Variants in VPS13B observed in about 807,000 individuals in gnomAD.
The protein encoded by VPS13B is intermembrane lipid transfer protein VPS13B.
In VPS13B, 285 loss-of-function variants were observed where a neutral mutation model predicts 426.4. That is an observed-to-expected ratio of 0.67 (90% CI 0.61 to 0.74). VPS13B has a LOEUF of 0.74. Ranked by LOEUF, VPS13B falls within the 30% of genes least tolerant of loss-of-function variation. VPS13B has a pLI of 0.00. For missense variants in VPS13B, 4,537 were observed against 4,782.6 expected (o/e 0.95, Z 1.51); for synonymous variants, 1,676 against 1,676.4 (o/e 1.00, Z 0.01).
rs35625719 is a variant in VPS13B, at chr8:99,642,312, C to G, written c.5722C>G (p.Leu1908Val). The change falls in exon 34 of 62, where the codon CTT becomes GTT. Residue 1908 changes from leucine (L) to valine (V), a missense_variant. Around this residue, in one of 2 missense-constraint regions of VPS13B, gnomAD observed 4,311 missense variants for 4,474.3 expected, o/e 0.96. Transcript: ENST00000357162. ...ASTRSSARQA[L>V]GITIVRQPGR... ...CACAAGGTCATCTGCTAGACAAGCA[C>G]TTGGTATAACTATTGTTCGGCAGCC... 1 of 1,614,126 alleles carries G rather than the reference C, an allele frequency of 6.2e-7. No individual in the cohort carries two copies. The highest frequency in any genetic ancestry group is 1.6e-4 in the Middle Eastern group (1 of 6,062).
At chr8:99,717,517 T>C in intron 37 of VPS13B, 144 bp downstream of exon 37, 1 of 770,680 alleles carries the variant, frequency 1.3e-6, no homozygotes, top group Non-Finnish European at 2.2e-6. Context: ...TCAACAACTT[T>C]ATTGAGATAT....
intron 20 of VPS13B, among the ~76,000 whole-genome samples, chr8:99,389,004 C>T (rs1399065073): frequency 6.6e-6 from 1 of 152,088 alleles, no homozygotes; most frequent in Non-Finnish European, 1.5e-5. Flanking sequence ...CAAACGTTAG[C>T]TGGGCGCAGT....
chr8:99,827,488 C>T, intron 51 of VPS13B, among the ~76,000 whole-genome samples: 1 of 142,196 alleles, frequency 7.0e-6, no homozygotes. Context: ...GGCCAGCAGT[C>T]TTATCTATTT....
chr8:99,218,517 T>C (rs180759369), intron 17 of VPS13B, among the ~76,000 whole-genome samples: 21 of 152,310 alleles, frequency 1.4e-4, no homozygotes, highest in African/African-American at 4.8e-4. Flanking sequence ...GTTTTGGTGT[T>C]TGATAATATT....
At chr8:99,353,310 G>A (rs1588283824) in intron 19 of VPS13B, among the ~76,000 whole-genome samples, 1 of 152,152 alleles carries the variant, frequency 6.6e-6, no homozygotes, top group African/African-American at 2.4e-5. Flanking sequence ...AGTCAACCAT[G>A]TATCAGTCCT....
intron 21 of VPS13B, among the ~76,000 whole-genome samples, chr8:99,395,016 T>G (rs1055956509): frequency 2.6e-5 from 4 of 152,172 alleles, no homozygotes; most frequent in Non-Finnish European, 5.9e-5. Flanking sequence ...TGGGGAAAAT[T>G]CCCCAGTTTC....
At chr8:99,159,228 T>C (rs557595815) in intron 15 of VPS13B, among the ~76,000 whole-genome samples, 26 of 152,326 alleles carry the variant, frequency 1.7e-4, no homozygotes, top group African/African-American at 6.3e-4. Context: ...AAAACTTGAA[T>C]GGAGGAGGAG....
chr8:99,096,916 A>G (rs1846456808), intron 4 of VPS13B, among the ~76,000 whole-genome samples: 1 of 152,188 alleles, frequency 6.6e-6, no homozygotes, highest in Non-Finnish European at 1.5e-5. Flanking sequence ...TACCAAGCCC[A>G]AGGTACTTTT....
At chr8:99,190,469 ATTGT>A (rs1813499381) in intron 16 of VPS13B, among the ~76,000 whole-genome samples, 1 of 151,284 alleles carries the variant, frequency 6.6e-6, no homozygotes, top group African/African-American at 2.4e-5. Flanking sequence ...TGTCCCATCT[ATTGT>A]TTGTTTTCTT....
At chr8:99,793,933 A>G (rs1812683328) in intron 43 of VPS13B, among the ~76,000 whole-genome samples, 2 of 152,216 alleles carry the variant, frequency 1.3e-5, no homozygotes, top group South Asian at 4.1e-4. Flanking sequence ...TAAATATTCC[A>G]TGTAAAACAT....
At chr8:99,599,556 A>T (rs1459530728) in intron 33 of VPS13B, among the ~76,000 whole-genome samples, 2 of 151,984 alleles carry the variant, frequency 1.3e-5, no homozygotes, top group Non-Finnish European at 2.9e-5. Flanking sequence ...TTCCTATCTG[A>T]GTTTGTACTT....
At chr8:99,165,827 T>C (rs1410694254) in intron 15 of VPS13B, among the ~76,000 whole-genome samples, 1 of 152,176 alleles carries the variant, frequency 6.6e-6, no homozygotes, top group Non-Finnish European at 1.5e-5. Context: ...AGTATATATT[T>C]TAGGCTTTGT....
Position 99,717,372 on chromosome 8 carries a change from A to G in VPS13B, c.6656A>G (p.Gln2219Arg), listed in dbSNP as rs747632534. The change falls in exon 37 of 62, where the codon CAG becomes CGG. Residue 2219 changes from glutamine to arginine, a missense_variant and splice_region_variant. Transcript: ENST00000357162. ...ATTGACTTAAGAGGAGGTCTACTACAGGTCTGTGGGTATTGGCCATATTTT... is the reference window on the plus strand; with the variant it reads ...ATTGACTTAAGAGGAGGTCTACTACGGGTCTGTGGGTATTGGCCATATTTT... ...ISIDLRGGLL[Q>R]VFWGQEHLNC... is the part of the protein sequence containing the mutation. 6.2e-7 allele frequency: 1 copy of G among 1,613,680 alleles called. No homozygotes were observed.
chr8:99,540,044 TATATATATATATATATATA>T (rs1368137175), intron 30 of VPS13B, among the ~76,000 whole-genome samples: 52 of 4,142 alleles, frequency 0.013, 1 homozygote, highest in East Asian at 0.019. Flanking sequence ...TATATATATA[TATATATATATATATATATA>T]TTTTTTTTTT....
rs1035124999 is a variant in VPS13B at position 99,170,217 on chromosome 8, G to GA, written c.2333+60dup. On this transcript the variant is annotated intron_variant, in intron 16 of 61. Coordinates refer to ENST00000357162, the MANE Select transcript of VPS13B (RefSeq NM_152564.5). ...ATGTTAATTTCCATTTATTAGGAGG[G>GA]AAAAAACCCCCAAATGTATCTGTCT... The GA allele has an allele frequency of 2.5e-6, 4 of 1,590,732 alleles. No individual in the cohort carries two copies. In the African/African-American group the frequency reaches 4.0e-5, roughly 16 times the overall value.
At chr8:99,568,837 A>G (rs1328612243) in intron 31 of VPS13B, among the ~76,000 whole-genome samples, 1 of 144,126 alleles carries the variant, frequency 6.9e-6, no homozygotes, top group African/African-American at 2.6e-5. Flanking sequence ...TTTGAGATGG[A>G]GTCTTGCTCT....
intron 8 of VPS13B, 94 bp downstream of exon 8, chr8:99,121,539 G>C: frequency 1.3e-6 from 2 of 1,561,526 alleles, no homozygotes; most frequent in Middle Eastern, 4.0e-4. Context: ...AGTTTGCTTT[G>C]CATTCAGTAG....
chr8:99,195,315 A>G (rs907784797), intron 17 of VPS13B, among the ~76,000 whole-genome samples: 9 of 152,128 alleles, frequency 5.9e-5, no homozygotes, highest in African/African-American at 1.7e-4. Flanking sequence ...CTTGTTGGCC[A>G]TTTGTATGAA....
At chr8:99,389,659 G>A (rs1814316255) in intron 20 of VPS13B, 1 of 152,208 alleles carries the variant, frequency 6.6e-6, no homozygotes, top group South Asian at 2.1e-4. Flanking sequence ...GTAGACTGAG[G>A]AGGAGGAAGA....
Sources: gnomAD v4.1 joint callset for allele counts (sites outside exome capture counted in the v4.1 genomes callset) on GRCh38, gnomAD v4.1.1 for gene constraint, gnomAD v4.1.1 regional missense constraint, MANE v1.5 for transcripts, NCBI Gene and HGNC (gene_info 2026-07-23, HGNC 2026-07-21) for gene names.